CYP4Z1: variants seen among roughly 807,000 people sequenced by gnomAD.
The protein encoded by CYP4Z1 is cytochrome P450 4Z1.
CYP4Z1 carries 41 observed loss-of-function variants against 54.2 expected under a neutral mutation model. The ratio of observed to expected loss-of-function variants is 0.76; its 90% CI spans 0.59 to 0.98. The LOEUF is 0.98. Among genes scored for constraint, CYP4Z1 ranks in the 50% least tolerant of loss-of-function variants. CYP4Z1 has a pLI of 0.00. For missense variants in CYP4Z1, 513 were observed against 599.0 expected, an observed-to-expected ratio of 0.86 and a Z score of 1.50; for synonymous variants, 163 against 206.2, an observed-to-expected ratio of 0.79 and a Z score of 1.79.
At chr1:47,057,335 AATATATATAT>A in the CYP4Z1 span, among the ~76,000 whole-genome samples, 15 of 28,492 alleles carry the variant, frequency 5.3e-4, no homozygotes, top group South Asian at 1.1e-3. Context: ...AAGAAAAAAA[AATATATATAT>A]ATATATATAT....
At chr1:47,079,666 A>T (rs539052909) in intron 2 of CYP4Z1, among the ~76,000 whole-genome samples, 54 of 152,392 alleles carry the variant, frequency 3.5e-4, no homozygotes, top group Admixed American at 1.6e-3. Flanking sequence ...AGAAAGTGGA[A>T]TTAGTTAAGA....
chr1:47,103,509 T>C (rs1644734910), intron 8 of CYP4Z1, among the ~76,000 whole-genome samples: 1 of 152,028 alleles, frequency 6.6e-6, no homozygotes, highest in Non-Finnish European at 1.5e-5. Context: ...TTCTCACTCA[T>C]ATCCTGAATT....
rs756562508 is a variant in CYP4Z1, at chr1:47,084,952, T to C, written c.746T>C (p.Phe249Ser). Reference protein sequence around the residue: ...FSSQGQIFSKFNQELHQFTEK... With the variant: ...FSSQGQIFSKSNQELHQFTEK... Reference sequence around the variant, plus strand: ...TCTCAAGGCCAAATCTTTTCTAAATTTAACCAAGAACTTCATCAGTTCACA... The same window carrying C: ...TCTCAAGGCCAAATCTTTTCTAAATCTAACCAAGAACTTCATCAGTTCACA... Residue 249 changes from phenylalanine (F) to serine (S), a missense_variant, in exon 6 of 12, where the codon TTT becomes TCT. Coordinates refer to ENST00000334194, the MANE Select transcript of CYP4Z1 (RefSeq NM_178134.3). 1 of 1,473,784 alleles carries C rather than the reference T, an allele frequency of 6.8e-7. No individual in the cohort carries two copies. The highest frequency in any genetic ancestry group is 1.4e-5 in the African/African-American group (1 of 70,450). The allele number at this position is 1,473,784 out of a possible 1,614,324, so 91.3% of individuals were successfully genotyped here. A position where few individuals can be genotyped will look rare whatever the true frequency, so the allele number is the denominator to read the frequency against.
In CYP4Z1 at chr1:47,106,187, A is replaced by G. The variant is rs1381027534; in HGVS notation, c.1127A>G (p.Tyr376Cys). ...TGCATCAAGGAATGCCTCCGCCTCTACGCACCGGTAGTAAACATATCCCGG... is the reference window on the plus strand; with the variant it reads ...TGCATCAAGGAATGCCTCCGCCTCTGCGCACCGGTAGTAAACATATCCCGG... The part of the protein sequence containing the change: ...TMCIKECLRL[Y>C]APVVNISRLL... The change falls in exon 9 of 12, where the codon TAC becomes TGC. Residue 376 changes from tyrosine (Y) to cysteine (C), a missense_variant. Physicochemically the swap from Tyr to Cys is radical, Grantham distance 194. Coordinates refer to ENST00000334194, the MANE Select transcript of CYP4Z1 (RefSeq NM_178134.3). 1.2e-6 allele frequency: 2 copies of G among 1,614,036 alleles called. No homozygotes were observed. The highest frequency in any genetic ancestry group is 1.7e-5 in the Admixed American group (1 of 60,014).
chr1:47,089,162 A>T (rs1644619747), intron 6 of CYP4Z1, among the ~76,000 whole-genome samples: 1 of 151,438 alleles, frequency 6.6e-6, no homozygotes, highest in African/African-American at 2.4e-5. Flanking sequence ...TTTAGTTTTC[A>T]TGGGTATGCT....
At chr1:47,083,873 T>C (rs1462702938) in intron 4 of CYP4Z1, among the ~76,000 whole-genome samples, 1 of 152,160 alleles carries the variant, frequency 6.6e-6, no homozygotes, top group Non-Finnish European at 1.5e-5. Context: ...TCTTCTTGGC[T>C]CCATGACAGT....
At chr1:47,114,657 A>G (rs1644816911) in intron 9 of CYP4Z1, among the ~76,000 whole-genome samples, 1 of 152,254 alleles carries the variant, frequency 6.6e-6, no homozygotes, top group Non-Finnish European at 1.5e-5. Context: ...ACACTTCTCA[A>G]AAGAAGACAT....
chr1:47,091,891 G>A (rs1644640827), intron 6 of CYP4Z1, among the ~76,000 whole-genome samples: 1 of 150,166 alleles, frequency 6.7e-6, no homozygotes, highest in Admixed American at 6.7e-5. Flanking sequence ...CCTGCTGTGG[G>A]AAGAGGGGAG....
chr1:47,057,335 A>AAAAAATATATAT, the CYP4Z1 span, among the ~76,000 whole-genome samples: 6 of 28,478 alleles, frequency 2.1e-4, 1 homozygote, highest in Admixed American at 5.3e-4. Flanking sequence ...AAGAAAAAAA[A>AAAAAATATATAT]ATATATATAT....
rs138601503 is a variant in CYP4Z1, at chr1:47,106,190, C to G, written c.1130C>G (p.Ala377Gly). The G allele has an allele frequency of 4.8e-3, 7,674 of 1,613,870 alleles. 17 individuals are homozygous for G. The highest frequency in any genetic ancestry group is 5.0e-3 in the Non-Finnish European group (5,917 of 1,179,872). The change falls in exon 9 of 12, where the codon GCA becomes GGA. Residue 377 changes from alanine (A) to glycine (G), a missense_variant. Transcript: ENST00000334194. The stretch of plus-strand genomic sequence containing the variant: ...ATCAAGGAATGCCTCCGCCTCTACG[C>G]ACCGGTAGTAAACATATCCCGGTTA... ...MCIKECLRLY[A>G]PVVNISRLLD... is the part of the protein sequence containing the mutation.
the CYP4Z1 span, among the ~76,000 whole-genome samples, chr1:47,060,404 A>T: frequency 6.6e-6 from 1 of 152,172 alleles, no homozygotes; most frequent in Non-Finnish European, 1.5e-5. Context: ...AAAAGCAGGG[A>T]CTGCAATCCT....
intron 2 of CYP4Z1, among the ~76,000 whole-genome samples, chr1:47,071,087 A>G: frequency 6.6e-6 from 1 of 152,282 alleles, no homozygotes; most frequent in South Asian, 2.1e-4. Context: ...AGCAACATGA[A>G]AAAATCCCAT....
upstream of CYP4Z1, among the ~76,000 whole-genome samples, chr1:47,064,588 C>A (rs1042621168): frequency 2.0e-5 from 3 of 151,966 alleles, no homozygotes; most frequent in African/African-American, 7.3e-5. Flanking sequence ...AAAAATAGAA[C>A]CTCCTTAAAG....
At chr1:47,064,005 C>T (rs149923592), upstream of CYP4Z1, among the ~76,000 whole-genome samples, 1 of 151,532 alleles carries the variant, frequency 6.6e-6, no homozygotes, top group East Asian at 1.9e-4. Context: ...TGTCAGGTAA[C>T]CTGTCAAGAA....
chr1:47,072,739 A>G (rs1456081253), intron 2 of CYP4Z1, among the ~76,000 whole-genome samples: 2 of 123,782 alleles, frequency 1.6e-5, no homozygotes, highest in African/African-American at 3.1e-5. Flanking sequence ...TGAGCTTCAC[A>G]TTAACATCGG....
At chr1:47,076,843 T>TAAAA (rs1569706238) in intron 2 of CYP4Z1, among the ~76,000 whole-genome samples, 1 of 9,256 alleles carries the variant, frequency 1.1e-4, no homozygotes, top group African/African-American at 4.9e-4. Flanking sequence ...AGACGCTGTC[T>TAAAA]CAAAAAAAAA....
At position 47,087,258 on chromosome 1, in the gene CYP4Z1, G is replaced by A. The variant is rs561808937; in HGVS notation, c.772+2280G>A. Among the ~76,000 whole-genome samples the A allele has an allele frequency of 4.9e-3, 747 of 152,200 alleles. 12 individuals are homozygous for A. The highest frequency in any genetic ancestry group is 0.047 in the East Asian group (243 of 5,182). On this transcript the variant is annotated intron_variant, in intron 6 of 11. Transcript: ENST00000334194. Reference sequence around the variant, plus strand: ...AAGTCATTGGTAGCTTGATGGGGATGGCATTGAATGTATAAATTACCTTGG... The same window carrying A: ...AAGTCATTGGTAGCTTGATGGGGATAGCATTGAATGTATAAATTACCTTGG...
chr1:47,085,293 C>G (rs971721728), intron 6 of CYP4Z1, among the ~76,000 whole-genome samples: 2 of 152,032 alleles, frequency 1.3e-5, no homozygotes, highest in Admixed American at 1.3e-4. Flanking sequence ...AAGTACATTT[C>G]TGTAGGAAGA....
chr1:47,083,861 A>G (rs935472509), intron 4 of CYP4Z1, among the ~76,000 whole-genome samples: 1 of 151,528 alleles, frequency 6.6e-6, no homozygotes, highest in Non-Finnish European at 1.5e-5. Flanking sequence ...CTCTTTCTCT[A>G]CTCTTCTTGG....
Sources: allele counts gnomAD v4.1 joint callset (sites outside exome capture counted in the v4.1 genomes callset), GRCh38; gene constraint gnomAD v4.1.1; transcripts MANE v1.5; gene names NCBI Gene and HGNC (gene_info 2026-07-23, HGNC 2026-07-21).